DHRS4: variants seen among roughly 807,000 people sequenced by gnomAD.
The protein encoded by DHRS4 is dehydrogenase/reductase 4.
In DHRS4, 20 loss-of-function variants were observed where a neutral mutation model predicts 28.4. The observed-to-expected ratio is 0.71, with a 90% CI of 0.50 to 1.02. The LOEUF is 1.02. Among genes scored for constraint, DHRS4 ranks in the 50% least tolerant of loss-of-function variants. The probability of loss-of-function intolerance (pLI) is 0.00; values close to 1 mark genes in which losing one functional copy is unlikely to be tolerated. For missense variants in DHRS4, 378 were observed against 367.2 expected (o/e 1.03, Z -0.24); for synonymous variants, 144 against 146.4 (o/e 0.98, Z 0.12).
intron 3 of DHRS4, among the ~76,000 whole-genome samples, chr14:23,964,240 A>AC (rs1462158855): frequency 1.5e-5 from 2 of 134,192 alleles, no homozygotes; most frequent in African/African-American, 3.5e-5. Flanking sequence ...AAAAAAAAAA[A>AC]AAAAAAAAAA....
At chr14:23,954,503 A>G (rs576682832) in intron 1 of DHRS4, among the ~76,000 whole-genome samples, 7 of 152,352 alleles carry the variant, frequency 4.6e-5, no homozygotes, top group African/African-American at 1.7e-4. Flanking sequence ...TCACAAAACT[A>G]AAATACAAAT....
At chr14:23,966,902 TC>T (rs566216565) in intron 6 of DHRS4, among the ~76,000 whole-genome samples, 35 of 152,340 alleles carry the variant, frequency 2.3e-4, no homozygotes, top group Middle Eastern at 6.8e-3. Flanking sequence ...ATGCCTGTAA[TC>T]CCAGCACATT....
chr14:23,955,052 C>G lies in DHRS4; in HGVS notation c.146C>G (p.Ala49Gly). Residue 49 changes from alanine to glycine, a missense_variant, in exon 2 of 8, where the codon GCC (alanine) becomes GGC (glycine). Ala to Gly is a moderately conservative substitution (Grantham distance 60). Transcript: ENST00000313250. ...GCTCACAGGATCGGCTTCGCCATCG[C>G]CCGGCGTTTGGCCCAGGACGGGGCC... ...ASTDGIGFAI[A>G]RRLAQDGAHV... 1 of 1,614,178 alleles carries G rather than the reference C, an allele frequency of 6.2e-7. No individual in the cohort carries two copies. Among genetic ancestry groups the G allele is most frequent in the Non-Finnish European group, 8.5e-7 (1 of 1,179,992 alleles).
chr14:23,961,788 C>T (rs2033425809), intron 3 of DHRS4, among the ~76,000 whole-genome samples: 3 of 134,230 alleles, frequency 2.2e-5, no homozygotes, highest in Admixed American at 2.2e-4. Context: ...ATTGGGATTG[C>T]AGGCATGAGC....
At chr14:23,955,428 C>T (rs1317841238) in intron 2 of DHRS4, among the ~76,000 whole-genome samples, 1 of 152,260 alleles carries the variant, frequency 6.6e-6, no homozygotes, top group Middle Eastern at 3.4e-3. Flanking sequence ...CCCAAAGAAA[C>T]AGCTGGTACT....
Position 23,958,636 on chromosome 14 carries a change from G to T in DHRS4, c.307-1266G>T, listed in dbSNP as rs189202356. ...AGAGAGAGACAGAGACAGGGAAAAT[G>T]ACATCATAACCAAATATGGAATTGC... On this transcript the variant is annotated intron_variant, in intron 2 of 7. Coordinates refer to ENST00000313250, the MANE Select transcript of DHRS4 (RefSeq NM_021004.4). 1.7e-3 allele frequency among the ~76,000 whole-genome samples: 266 copies of T among 152,316 alleles called. 3 individuals are homozygous for T. The East Asian group carries it at 0.023, about 13-fold the overall frequency.
chr14:23,953,792 C>T lies in DHRS4; in HGVS notation c.4C>T (p.His2Tyr), dbSNP rs762677465. ...CCCATACTTGCTGGTCTGATCCATGCACAAGGCGGGGCTGCTAGGCCTCTG... is the reference window on the plus strand; with the variant it reads ...CCCATACTTGCTGGTCTGATCCATGTACAAGGCGGGGCTGCTAGGCCTCTG... M[H>Y]KAGLLGLCAR... Residue 2 changes from histidine to tyrosine, a missense_variant, in exon 1 of 8, where the codon CAC becomes TAC. Transcript: ENST00000313250. 2 of 1,614,038 alleles carry T rather than the reference C, an allele frequency of 1.2e-6. No individual in the cohort carries two copies. Among genetic ancestry groups the T allele is most frequent in the Non-Finnish European group, 1.7e-6 (2 of 1,179,960 alleles).
chr14:23,956,140 A>G (rs868767429), intron 2 of DHRS4, among the ~76,000 whole-genome samples: 26 of 152,242 alleles, frequency 1.7e-4, no homozygotes, highest in South Asian at 2.1e-4. Context: ...TCAAATGTGC[A>G]TTGGAAAGAG....
intron 2 of DHRS4, among the ~76,000 whole-genome samples, chr14:23,958,831 C>T (rs1390267535): frequency 6.6e-6 from 1 of 152,218 alleles, no homozygotes; most frequent in Non-Finnish European, 1.5e-5. Flanking sequence ...GAAAACATCA[C>T]TTCACCCCTC....
chr14:23,965,903 G>A (rs972107432), intron 4 of DHRS4, 29 bp from the exon 5 acceptor site: 1 of 1,606,958 alleles, frequency 6.2e-7, no homozygotes, highest in South Asian at 1.1e-5. Context: ...TCCACAATGG[G>A]AAGATGGTCA....
At chr14:23,967,552 C>T (rs1274353259) in intron 7 of DHRS4, 24 of 662,826 alleles carry the variant, frequency 3.6e-5, no homozygotes, top group Non-Finnish European at 5.6e-5. Context: ...CTCTGAGCAT[C>T]CATGGAGACC....
Position 23,953,812 on chromosome 14 carries a change from C to CCT in DHRS4, c.27_28dup (p.Cys10SerfsTer16). ...CCATGCACAAGGCGGGGCTGCTAGGCCTCTGTGCCCGGGCTTGGAATTCGG... is the reference window on the plus strand; with the variant it reads ...CCATGCACAAGGCGGGGCTGCTAGGCCTCTCTGTGCCCGGGCTTGGAATTCGG... On this transcript the variant is annotated frameshift_variant, in exon 1 of 8. Coordinates refer to ENST00000313250, the MANE Select transcript of DHRS4 (RefSeq NM_021004.4). LOFTEE classifies it high-confidence loss of function. 6.2e-7 allele frequency: 1 copy of CCT among 1,614,138 alleles called. No individual in the cohort carries two copies. The highest frequency in any genetic ancestry group is 8.5e-7 in the Non-Finnish European group (1 of 1,180,000).
At chr14:23,964,220 TAAA>T (rs71119059) in intron 3 of DHRS4, among the ~76,000 whole-genome samples, 15 of 34,500 alleles carry the variant, frequency 4.3e-4, no homozygotes, top group African/African-American at 1.2e-3. Flanking sequence ...CTGCAATTTG[TAAA>T]AAAAAAAAAA....
rs750387743 is a variant in DHRS4, at chr14:23,953,873, C to G, written c.85C>G (p.Pro29Ala). The change falls in exon 1 of 8, where the codon CCG (proline) becomes GCG (alanine). Residue 29 changes from proline to alanine, a missense_variant. By Grantham distance (27) the Pro-to-Ala change is conservative. Transcript: ENST00000313250. ...MASSGMTRRD[P>A]LANKVALVTA... Reference sequence around the variant, plus strand: ...CAGCTCCGGGATGACCCGCCGGGACCCGCTCGCAAATAAGGTGGCCCTGGT... The same window carrying G: ...CAGCTCCGGGATGACCCGCCGGGACGCGCTCGCAAATAAGGTGGCCCTGGT... The G allele has an allele frequency of 6.2e-7, 1 of 1,612,146 alleles. No homozygotes were observed. Among genetic ancestry groups the G allele is most frequent in the Non-Finnish European group, 8.5e-7 (1 of 1,179,140 alleles).
intron 2 of DHRS4, among the ~76,000 whole-genome samples, chr14:23,959,486 A>G (rs1177000730): frequency 1.3e-5 from 2 of 152,166 alleles, no homozygotes; most frequent in Non-Finnish European, 2.9e-5. Flanking sequence ...TGAACCCAGT[A>G]GGTCAAGGCT....
At chr14:23,954,733 C>T (rs1038176505) in intron 1 of DHRS4, among the ~76,000 whole-genome samples, 141 of 152,222 alleles carry the variant, frequency 9.3e-4, no homozygotes, top group Non-Finnish European at 1.9e-3. Context: ...GCTGCAAACC[C>T]AGCTCATTTC....
At chr14:23,961,530 T>C (rs2033413372) in intron 3 of DHRS4, among the ~76,000 whole-genome samples, 1 of 32,386 alleles carries the variant, frequency 3.1e-5, no homozygotes, top group African/African-American at 3.5e-4. Flanking sequence ...TCTTTTTTCC[T>C]TTTTTTTTTT....
In DHRS4 at chr14:23,957,557, C is replaced by CT. The variant is rs879428780; in HGVS notation, c.307-2331dup. Among the ~76,000 whole-genome samples the CT allele has an allele frequency of 3.8e-3, 382 of 99,918 alleles. 2 individuals carry two copies. The highest frequency in any genetic ancestry group is 4.0e-3 in the African/African-American group (28 of 6,998). The allele number at this position is 99,918 out of a possible 152,430, so 65.6% of individuals were successfully genotyped here. The stretch of plus-strand genomic sequence containing the variant: ...TTAGAATAAGACTTAGAAGACTTTC[C>CT]TTTTTTTTTTTTTTCCAGAGACAGG... On this transcript the variant is annotated intron_variant, in intron 2 of 7. Coordinates refer to ENST00000313250, the MANE Select transcript of DHRS4 (RefSeq NM_021004.4).
chr14:23,957,198 T>G (rs2033210753), intron 2 of DHRS4, among the ~76,000 whole-genome samples: 1 of 152,162 alleles, frequency 6.6e-6, no homozygotes, highest in Non-Finnish European at 1.5e-5. Flanking sequence ...TCCAACCCCA[T>G]GTCAAAAAGT....
Sources: gnomAD v4.1 joint callset for allele counts (sites outside exome capture counted in the v4.1 genomes callset) on GRCh38, gnomAD v4.1.1 for gene constraint, MANE v1.5 for transcripts, NCBI Gene and HGNC (gene_info 2026-07-23, HGNC 2026-07-21) for gene names.